The following DOCK9 variants were observed in gnomAD, a reference collection of about 807,000 sequenced individuals.
DOCK9 encodes the protein dedicator of cytokinesis protein 9.
Under a neutral mutation model 263.3 loss-of-function variants are expected in DOCK9, and 89 were observed. The ratio of observed to expected loss-of-function variants is 0.34; its 90% CI spans 0.28 to 0.40. The LOEUF (loss-of-function observed/expected upper bound fraction) is 0.40, where lower values mean the gene tolerates loss of function less well. Ranked by LOEUF, DOCK9 falls within the 10% of genes least tolerant of loss-of-function variation. The probability of loss-of-function intolerance (pLI) is 1.00; values close to 1 mark genes in which losing one functional copy is unlikely to be tolerated. For missense variants in DOCK9, 2,140 were observed against 2,603.4 expected, an observed-to-expected ratio of 0.82 and a Z score of 3.87; for synonymous variants, 976 against 973.1, an observed-to-expected ratio of 1.00 and a Z score of -0.06.
At chr13:98,864,292 C>A (rs1455139236) in intron 30 of DOCK9, among the ~76,000 whole-genome samples, 4 of 152,180 alleles carry the variant, frequency 2.6e-5, no homozygotes, top group Non-Finnish European at 5.9e-5. Context: ...TTCTGGAAAA[C>A]AGATAGGAGC....
intron 1 of DOCK9, among the ~76,000 whole-genome samples, chr13:99,067,839 A>G (rs1199391488): frequency 6.6e-6 from 1 of 150,500 alleles, no homozygotes; most frequent in East Asian, 2.0e-4. Context: ...GATATCCAAG[A>G]TGCCAAGATT....
At chr13:98,914,226 T>TA in intron 9 of DOCK9, 102 bp downstream of exon 9, 1 of 986,082 alleles carries the variant, frequency 1.0e-6, no homozygotes, top group African/African-American at 1.6e-5. Context: ...AATCACAATG[T>TA]AATTTTTATG....
intron 2 of DOCK9, 137 bp downstream of exon 2, chr13:98,955,298 G>T (rs2140980523): frequency 3.8e-6 from 2 of 524,240 alleles, no homozygotes; most frequent in African/African-American, 1.9e-5. Flanking sequence ...AAGCCTGCGT[G>T]ACAGAGCAAG....
chr13:99,085,926 C>G lies in DOCK9; in HGVS notation c.129+297G>C, dbSNP rs532011790. Among the ~76,000 whole-genome samples, 141 of 151,990 alleles carry G rather than the reference C, an allele frequency of 9.3e-4. 2 individuals carry two copies. The highest frequency in any genetic ancestry group is 3.2e-3 in the African/African-American group (134 of 41,418). The stretch of plus-strand genomic sequence containing the variant: ...AGAAAGCAGGTAAATTGGGAGAGAG[C>G]GGGGTGAAAAGAGTGACAGGGCGAC... On this transcript the variant is annotated intron_variant, in intron 1 of 32. Transcript: ENST00000427887.
chr13:98,955,330 T>C, intron 2 of DOCK9, 105 bp downstream of exon 2: 1 of 722,586 alleles, frequency 1.4e-6, no homozygotes, highest in Admixed American at 3.3e-5. Flanking sequence ...AAAAAAATAA[T>C]AATAATAATA....
At chr13:98,948,343 C>A (rs2056980176) in intron 2 of DOCK9, among the ~76,000 whole-genome samples, 1 of 152,130 alleles carries the variant, frequency 6.6e-6, no homozygotes. Flanking sequence ...CTTTGACCTG[C>A]ACTCCTATCC....
chr13:98,934,766 G>A (rs1423049296), intron 2 of DOCK9, among the ~76,000 whole-genome samples: 2 of 152,188 alleles, frequency 1.3e-5, no homozygotes, highest in Non-Finnish European at 2.9e-5. Flanking sequence ...GTAAATGCCT[G>A]TTGGATCTTG....
At chr13:99,086,118 G>T (rs61970775) in intron 1 of DOCK9, 373,716 of 1,346,898 alleles carry the variant, frequency 0.28, 53,117 homozygotes, top group South Asian at 0.34. Context: ...CAGCAGGGTC[G>T]GCCGCTCTGC....
At chr13:98,823,044 A>G (rs1323285210) in intron 45 of DOCK9, among the ~76,000 whole-genome samples, 6 of 152,102 alleles carry the variant, frequency 3.9e-5, no homozygotes, top group Admixed American at 3.9e-4. Flanking sequence ...AACAAAATTA[A>G]GATTTACTTA....
intron 21 of DOCK9, 132 bp from the exon 22 acceptor site, chr13:98,884,031 G>T: frequency 1.6e-6 from 1 of 617,026 alleles, no homozygotes; most frequent in Non-Finnish European, 2.8e-6. Flanking sequence ...GACTGTGCCG[G>T]GCCCATGGCA....
chr13:98,972,611 C>T (rs575641837), intron 1 of DOCK9, among the ~76,000 whole-genome samples: 179 of 152,340 alleles, frequency 1.2e-3, no homozygotes, highest in Non-Finnish European at 2.0e-3. Flanking sequence ...AATAGGTGTG[C>T]AGCAGCAGGA....
Position 98,902,973 on chromosome 13 carries a change from T to G in DOCK9, c.1175A>C (p.Asn392Thr). The change falls in exon 11 of 53, where the codon AAT (asparagine) becomes ACT (threonine). Residue 392 changes from asparagine (N) to threonine (T), a missense_variant and splice_region_variant. Coordinates refer to ENST00000682017, the MANE Select transcript of DOCK9 (RefSeq NM_001366683.2). ...TTTATTTTTAAAATGAAAAATTACA[T>G]TTGTAGTGGGTCCTTCTTCATTTTC... ...VAENEEGPTT[N>T]VEPFFVTLSL... is the part of the protein sequence containing the mutation. 1 of 1,506,590 alleles carries G rather than the reference T, an allele frequency of 6.6e-7. No individual in the cohort carries two copies. The highest frequency in any genetic ancestry group is 8.8e-7 in the Non-Finnish European group (1 of 1,133,480). 93.3% of individuals were successfully genotyped at this position (1,506,590 alleles called of 1,614,324 possible). A position where few individuals can be genotyped will look rare whatever the true frequency, so the allele number is the denominator to read the frequency against.
chr13:99,038,080 C>T (rs1286957360), intron 1 of DOCK9, among the ~76,000 whole-genome samples: 1 of 151,978 alleles, frequency 6.6e-6, no homozygotes, highest in Non-Finnish European at 1.5e-5. Context: ...TAAATATGTG[C>T]AGTTTAATGT....
chr13:98,808,346 A>G (rs2090952637), intron 47 of DOCK9, among the ~76,000 whole-genome samples: 1 of 152,226 alleles, frequency 6.6e-6, no homozygotes, highest in African/African-American at 2.4e-5. Context: ...AATATCAGAA[A>G]ATATTTTCAT....
intron 38 of DOCK9, among the ~76,000 whole-genome samples, chr13:98,844,749 G>A (rs1184135106): frequency 6.6e-6 from 1 of 152,158 alleles, no homozygotes; most frequent in Non-Finnish European, 1.5e-5. Context: ...CAGAGGTGTG[G>A]GAAGCTGCTT....
chr13:98,845,720 T>C (rs539614612), intron 38 of DOCK9, among the ~76,000 whole-genome samples: 1 of 152,306 alleles, frequency 6.6e-6, no homozygotes, highest in South Asian at 2.1e-4. Context: ...AGTGCTGTAG[T>C]TGAGCACGTT....
chr13:99,067,709 G>C (rs749806428), intron 1 of DOCK9, among the ~76,000 whole-genome samples: 6 of 152,164 alleles, frequency 3.9e-5, no homozygotes, highest in African/African-American at 1.4e-4. Flanking sequence ...AGTAGTATGG[G>C]TAAAATACCA....
chr13:98,919,146 G>C (rs1269646318), intron 7 of DOCK9, among the ~76,000 whole-genome samples: 9 of 150,018 alleles, frequency 6.0e-5, no homozygotes, highest in African/African-American at 2.0e-4. Context: ...GTCTCGCTCT[G>C]TCACCCAGGC....
chr13:98,944,215 A>G (rs2056379631), intron 2 of DOCK9, among the ~76,000 whole-genome samples: 1 of 152,222 alleles, frequency 6.6e-6, no homozygotes, highest in Non-Finnish European at 1.5e-5. Flanking sequence ...CATTCAGGAT[A>G]AGAGAATAAC....
Sources: gnomAD v4.1 joint callset for allele counts (sites outside exome capture counted in the v4.1 genomes callset) on GRCh38, gnomAD v4.1.1 for gene constraint, MANE v1.5 for transcripts, NCBI Gene and HGNC (gene_info 2026-07-23, HGNC 2026-07-21) for gene names.